Variants in FRMD5 observed in about 807,000 individuals in gnomAD.
FRMD5 encodes the protein FERM domain containing 5, also known as FERM domain-containing protein 5.
FRMD5 carries 20 observed loss-of-function variants against 69.0 expected under a neutral mutation model. The ratio of observed to expected loss-of-function variants is 0.29; its 90% CI spans 0.20 to 0.42. The LOEUF (loss-of-function observed/expected upper bound fraction) is 0.42. Ranked by LOEUF, FRMD5 falls within the 10% of genes least tolerant of loss-of-function variation. The pLI is 1.00. For missense variants in FRMD5, 595 were observed against 708.6 expected, an observed-to-expected ratio of 0.84 and a Z score of 1.82; for synonymous variants, 271 against 260.1, an observed-to-expected ratio of 1.04 and a Z score of -0.40.
At chr15:43,905,471 C>T (rs1017243365) in intron 6 of FRMD5, among the ~76,000 whole-genome samples, 1 of 152,106 alleles carries the variant, frequency 6.6e-6, no homozygotes, top group African/African-American at 2.4e-5. Context: ...ATGCAATTTC[C>T]TTTATCTTTT....
intron 1 of FRMD5, among the ~76,000 whole-genome samples, chr15:44,152,137 G>T (rs1228724384): frequency 1.3e-5 from 2 of 152,152 alleles, no homozygotes; most frequent in Admixed American, 6.5e-5. Flanking sequence ...TTGAACCTGG[G>T]AGGCACAGGT....
chr15:44,176,878 T>TA (rs769053837), intron 1 of FRMD5, among the ~76,000 whole-genome samples: 5 of 150,484 alleles, frequency 3.3e-5, no homozygotes, highest in Non-Finnish European at 5.9e-5. Context: ...GGCACATGTA[T>TA]ACATAGGTAA....
chr15:44,135,235 G>T (rs1694714125), intron 1 of FRMD5, among the ~76,000 whole-genome samples: 1 of 152,146 alleles, frequency 6.6e-6, no homozygotes, highest in Non-Finnish European at 1.5e-5. Context: ...AGTGCCAGAA[G>T]CCTGGAGTTA....
At chr15:44,096,755 G>T (rs1224283503) in intron 1 of FRMD5, among the ~76,000 whole-genome samples, 2 of 152,066 alleles carry the variant, frequency 1.3e-5, no homozygotes, top group South Asian at 2.1e-4. Flanking sequence ...AAGGGAATTT[G>T]CAGGAGGGCA....
intron 1 of FRMD5, among the ~76,000 whole-genome samples, chr15:43,954,710 C>A (rs1334063545): frequency 6.6e-6 from 1 of 152,214 alleles, no homozygotes; most frequent in Non-Finnish European, 1.5e-5. Flanking sequence ...TGATGAAATA[C>A]CCTTGTTTAA....
intron 1 of FRMD5, among the ~76,000 whole-genome samples, chr15:44,011,319 T>C (rs559867216): frequency 1.3e-5 from 2 of 150,694 alleles, no homozygotes; most frequent in South Asian, 4.2e-4. Flanking sequence ...TTTGTAGCAA[T>C]GGGAATTGAG....
intron 1 of FRMD5, among the ~76,000 whole-genome samples, chr15:43,951,650 C>G (rs1196218916): frequency 1.3e-5 from 2 of 152,142 alleles, no homozygotes; most frequent in African/African-American, 4.8e-5. Context: ...ATGCACAGTA[C>G]AGTGGTATAA....
intron 13 of FRMD5, among the ~76,000 whole-genome samples, chr15:43,879,177 T>C (rs1257799377): frequency 6.6e-6 from 1 of 152,052 alleles, no homozygotes; most frequent in Non-Finnish European, 1.5e-5. Context: ...CCTCAAGTGA[T>C]CTGCCCATCT....
chr15:44,198,068 G>A (rs1000356993), upstream of FRMD5, among the ~76,000 whole-genome samples: 2 of 152,096 alleles, frequency 1.3e-5, no homozygotes, highest in African/African-American at 4.8e-5. Flanking sequence ...CCCAACATTT[G>A]GGAAGCCAAG....
At chr15:44,184,608 A>T (rs1189141631) in intron 1 of FRMD5, among the ~76,000 whole-genome samples, 1 of 152,252 alleles carries the variant, frequency 6.6e-6, no homozygotes, top group Non-Finnish European at 1.5e-5. Context: ...GGTATAACTA[A>T]GCAGTGATGG....
chr15:44,144,604 G>A (rs2077327573), intron 1 of FRMD5, among the ~76,000 whole-genome samples: 1 of 152,210 alleles, frequency 6.6e-6, no homozygotes, highest in Non-Finnish European at 1.5e-5. Context: ...CCTGAGCTAA[G>A]TGGTTTCTGT....
intron 1 of FRMD5, among the ~76,000 whole-genome samples, chr15:44,079,156 C>T (rs189388568): frequency 1.8e-4 from 28 of 151,842 alleles, no homozygotes; most frequent in Non-Finnish European, 3.2e-4. Flanking sequence ...AATAAGCACA[C>T]GAAAAGATAT....
Position 43,874,461 on chromosome 15 carries a change from G to A in FRMD5, c.1137C>T (p.Gly379=), listed in dbSNP as rs751754570. ...GGGCACTGTCCCGTAAGGACTCTAG[G>A]CCTAGAAAGGCAAAAGGAACATGAG... is the stretch of plus-strand genomic sequence containing the variant. ...RRAVHISIME[G]LESLRDSAHS... Residue 379 remains glycine, a splice_region_variant and synonymous_variant, in exon 14 of 14, where the codon GGC becomes GGT. Coordinates refer to ENST00000417257, the MANE Select transcript of FRMD5 (RefSeq NM_032892.5). 6.2e-7 allele frequency: 1 copy of A among 1,612,604 alleles called. No individual in the cohort carries two copies. The highest frequency in any genetic ancestry group is 1.7e-5 in the Admixed American group (1 of 59,994).
intron 1 of FRMD5, among the ~76,000 whole-genome samples, chr15:44,087,310 C>T (rs1020997326): frequency 2.6e-5 from 4 of 152,080 alleles, no homozygotes; most frequent in Admixed American, 6.6e-5. Context: ...CATGAGCAAC[C>T]GCGCCCGCCC....
At chr15:43,895,406 T>TC (rs1020433364) in intron 7 of FRMD5, among the ~76,000 whole-genome samples, 1 of 152,186 alleles carries the variant, frequency 6.6e-6, no homozygotes, top group Non-Finnish European at 1.5e-5. Flanking sequence ...GAATACACAG[T>TC]CCCACAAGAT....
At chr15:44,034,660 A>G (rs1044624494) in intron 1 of FRMD5, among the ~76,000 whole-genome samples, 2 of 152,242 alleles carry the variant, frequency 1.3e-5, no homozygotes, top group Non-Finnish European at 2.9e-5. Context: ...AGGAAGACGT[A>G]AGGCTTGTCT....
chr15:44,122,725 C>T (rs2076971088), intron 1 of FRMD5, among the ~76,000 whole-genome samples: 1 of 151,972 alleles, frequency 6.6e-6, no homozygotes, highest in Admixed American at 6.6e-5. Flanking sequence ...ACGGTGAAAC[C>T]CCGTCTCTAC....
At position 44,124,332 on chromosome 15, in the gene FRMD5, T is replaced by C. The variant is rs116137516; in HGVS notation, c.102+70621A>G. On this transcript the variant is annotated intron_variant, in intron 1 of 13. Coordinates refer to ENST00000417257, the MANE Select transcript of FRMD5 (RefSeq NM_032892.5). The stretch of plus-strand genomic sequence containing the variant: ...ATTCCACCTGGTATTACAAGGAATG[T>C]AAGGAAATATTCAGTATCCTCAAAA... 5.3e-3 allele frequency among the ~76,000 whole-genome samples: 797 copies of C among 151,442 alleles called. 6 individuals are homozygous for C. The highest frequency in any genetic ancestry group is 0.033 in the East Asian group (170 of 5,128).
chr15:44,068,091 C>G (rs1050742330), intron 1 of FRMD5, among the ~76,000 whole-genome samples: 3 of 152,102 alleles, frequency 2.0e-5, no homozygotes, highest in Non-Finnish European at 4.4e-5. Flanking sequence ...TAAAAAATAA[C>G]AAGTGTTGCT....
Sources: allele counts gnomAD v4.1 joint callset (sites outside exome capture counted in the v4.1 genomes callset), GRCh38; gene constraint gnomAD v4.1.1; transcripts MANE v1.5; gene names NCBI Gene and HGNC (gene_info 2026-07-23, HGNC 2026-07-21).